CYP7B1: variants seen among roughly 807,000 people sequenced by gnomAD.
The protein encoded by CYP7B1 is cytochrome P450 7B1.
Under a neutral mutation model 42.7 loss-of-function variants are expected in CYP7B1, and 29 were observed. The ratio of observed to expected loss-of-function variants is 0.68; its 90% CI spans 0.51 to 0.93. The LOEUF (loss-of-function observed/expected upper bound fraction) is 0.93. Ranked by LOEUF, CYP7B1 falls within the 40% of genes least tolerant of loss-of-function variation. CYP7B1 has a pLI of 0.00. For synonymous variants in CYP7B1, 235 were observed against 218.2 expected (o/e 1.08, Z -0.68); for missense variants, 655 against 600.5 (o/e 1.09, Z -0.95).
At chr8:64,656,461 C>G (rs887651869) in intron 1 of CYP7B1, among the ~76,000 whole-genome samples, 3 of 152,212 alleles carry the variant, frequency 2.0e-5, no homozygotes, top group Non-Finnish European at 4.4e-5. Context: ...CAATCATCTC[C>G]TGACCACGAA....
At chr8:64,598,817 A>T (rs1805156101) in intron 5 of CYP7B1, among the ~76,000 whole-genome samples, 1 of 152,194 alleles carries the variant, frequency 6.6e-6, no homozygotes, top group African/African-American at 2.4e-5. Flanking sequence ...CATAGTAAAC[A>T]TCTTAGAAAT....
chr8:64,794,535 T>A (rs1585918931), intron 1 of CYP7B1, among the ~76,000 whole-genome samples: 1 of 152,322 alleles, frequency 6.6e-6, no homozygotes, highest in South Asian at 2.1e-4. Context: ...TCCTGGTTCA[T>A]AAATGGCCAT....
At chr8:64,782,542 T>C (rs964784299) in intron 1 of CYP7B1, among the ~76,000 whole-genome samples, 4 of 152,292 alleles carry the variant, frequency 2.6e-5, no homozygotes, top group Admixed American at 1.3e-4. Context: ...GTCTATGATA[T>C]TTTTATTAGA....
intron 4 of CYP7B1, 36 bp downstream of exon 4, chr8:64,614,990 A>G: frequency 6.2e-7 from 1 of 1,607,756 alleles, no homozygotes; most frequent in Non-Finnish European, 8.5e-7. Context: ...GCAGAGAGGT[A>G]CCTTCTTTTC....
chr8:64,776,102 T>C (rs1448737778), intron 1 of CYP7B1, among the ~76,000 whole-genome samples: 1 of 152,152 alleles, frequency 6.6e-6, no homozygotes, highest in Non-Finnish European at 1.5e-5. Flanking sequence ...TGGTTGTAAC[T>C]GTAGCATTCC....
intron 1 of CYP7B1, among the ~76,000 whole-genome samples, chr8:64,649,694 A>T (rs1387370909): frequency 6.6e-6 from 1 of 152,212 alleles, no homozygotes; most frequent in African/African-American, 2.4e-5. Context: ...CAAGGATTTC[A>T]ATTTCTCCAC....
At chr8:64,778,296 A>C (rs1200118392) in intron 1 of CYP7B1, among the ~76,000 whole-genome samples, 1 of 151,322 alleles carries the variant, frequency 6.6e-6, no homozygotes, top group African/African-American at 2.4e-5. Context: ...TAAGTGAAAG[A>C]ATCTGCATGC....
intron 1 of CYP7B1, among the ~76,000 whole-genome samples, chr8:64,694,492 T>C (rs1425909181): frequency 6.6e-6 from 1 of 151,992 alleles, no homozygotes; most frequent in Non-Finnish European, 1.5e-5. Flanking sequence ...GGTAGGGTGG[T>C]AAATGAGAGT....
At chr8:64,638,316 G>T (rs991475367) in intron 1 of CYP7B1, among the ~76,000 whole-genome samples, 5 of 152,176 alleles carry the variant, frequency 3.3e-5, no homozygotes, top group Admixed American at 1.3e-4. Flanking sequence ...TTCCATGGTG[G>T]CTGGAAGGGA....
intron 1 of CYP7B1, among the ~76,000 whole-genome samples, chr8:64,757,602 C>T (rs1215477974): frequency 6.6e-6 from 1 of 152,216 alleles, no homozygotes; most frequent in Non-Finnish European, 1.5e-5. Context: ...AAGATCATCT[C>T]AGGCCCAGTT....
chr8:64,756,377 G>T (rs1377854144), intron 1 of CYP7B1, among the ~76,000 whole-genome samples: 10 of 152,204 alleles, frequency 6.6e-5, no homozygotes, highest in Non-Finnish European at 1.3e-4. Flanking sequence ...AATACATCCA[G>T]AAAGAGAATA....
At chr8:64,681,337 T>G (rs921509886) in intron 1 of CYP7B1, among the ~76,000 whole-genome samples, 1 of 151,926 alleles carries the variant, frequency 6.6e-6, no homozygotes, top group African/African-American at 2.4e-5. Flanking sequence ...TAAGTAGTGG[T>G]GGGGGGAGGA....
chr8:64,714,473 CA>C (rs1473331709), intron 1 of CYP7B1, among the ~76,000 whole-genome samples: 1 of 152,136 alleles, frequency 6.6e-6, no homozygotes, highest in Non-Finnish European at 1.5e-5. Context: ...TTTCTGAAGC[CA>C]TATTTTAAAA....
At chr8:64,590,295 G>A (rs528435484), downstream of CYP7B1, among the ~76,000 whole-genome samples, 117 of 152,274 alleles carry the variant, frequency 7.7e-4, 1 homozygote, top group African/African-American at 2.8e-3. Context: ...GAAAAGCCCA[G>A]TGTCCCAGGA....
At chr8:64,771,855 A>G (rs1804239372) in intron 1 of CYP7B1, among the ~76,000 whole-genome samples, 1 of 152,246 alleles carries the variant, frequency 6.6e-6, no homozygotes, top group Non-Finnish European at 1.5e-5. Context: ...TGGACAGAGA[A>G]AAACATACAA....
intron 1 of CYP7B1, among the ~76,000 whole-genome samples, chr8:64,757,939 T>C (rs959423693): frequency 6.6e-6 from 1 of 152,178 alleles, no homozygotes; most frequent in Admixed American, 6.5e-5. Flanking sequence ...TCTCAGAAAG[T>C]CACACCAGAT....
intron 1 of CYP7B1, among the ~76,000 whole-genome samples, chr8:64,737,625 G>C (rs951129340): frequency 6.6e-6 from 1 of 152,196 alleles, no homozygotes; most frequent in Non-Finnish European, 1.5e-5. Context: ...CAAGATGCCT[G>C]AGAAGTCAAT....
At chr8:64,780,487 A>G (rs1356504209) in intron 1 of CYP7B1, among the ~76,000 whole-genome samples, 1 of 152,094 alleles carries the variant, frequency 6.6e-6, no homozygotes, top group Non-Finnish European at 1.5e-5. Context: ...ATATTAAGCA[A>G]TTATAGACTT....
At chr8:64,759,040 G>T (rs1399070137) in intron 1 of CYP7B1, among the ~76,000 whole-genome samples, 2 of 152,196 alleles carry the variant, frequency 1.3e-5, no homozygotes, top group Admixed American at 1.3e-4. Context: ...ATGGAGTCCT[G>T]CTGTACTGTG....
Sources: gnomAD v4.1 joint callset for allele counts (sites outside exome capture counted in the v4.1 genomes callset) on GRCh38, gnomAD v4.1.1 for gene constraint, MANE v1.5 for transcripts, NCBI Gene and HGNC (gene_info 2026-07-23, HGNC 2026-07-21) for gene names.